SLC9A9: variants seen among roughly 807,000 people sequenced by gnomAD.
SLC9A9 encodes sodium/hydrogen exchanger 9.
In SLC9A9, 62 loss-of-function variants were observed where a neutral mutation model predicts 77.8. That is an observed-to-expected ratio of 0.80 (90% confidence interval 0.65 to 0.98). The LOEUF (loss-of-function observed/expected upper bound fraction) is 0.98. Among genes scored for constraint, SLC9A9 ranks in the 50% least tolerant of loss-of-function variants. The pLI is 0.00. For missense variants in SLC9A9, 775 were observed against 774.9 expected, an observed-to-expected ratio of 1.00 and a Z score of 0.00; for synonymous variants, 320 against 283.5, an observed-to-expected ratio of 1.13 and a Z score of -1.29.
chr3:143,510,380 T>A (rs2036097164), intron 9 of SLC9A9, among the ~76,000 whole-genome samples: 1 of 152,168 alleles, frequency 6.6e-6, no homozygotes, highest in Admixed American at 6.5e-5. Context: ...ATTGGAAAAT[T>A]AATATATAAT....
At chr3:143,470,493 A>AG (rs933179060) in intron 11 of SLC9A9, among the ~76,000 whole-genome samples, 3 of 151,470 alleles carry the variant, frequency 2.0e-5, no homozygotes, top group Non-Finnish European at 2.9e-5. Context: ...AAAAAAAAAA[A>AG]AGAAAAGAAA....
intron 9 of SLC9A9, chr3:143,503,490 C>T (rs867726350): frequency 6.8e-5 from 26 of 380,488 alleles, no homozygotes; most frequent in East Asian, 3.2e-4. Context: ...AAGCCTGCTT[C>T]GCCACCTTCA....
chr3:143,440,864 T>C (rs1027684475), intron 12 of SLC9A9, among the ~76,000 whole-genome samples: 3 of 152,228 alleles, frequency 2.0e-5, no homozygotes, highest in Non-Finnish European at 2.9e-5. Context: ...GGCATTGTTA[T>C]TCTACAGAGC....
At chr3:143,734,008 G>A (rs1934876630) in intron 4 of SLC9A9, among the ~76,000 whole-genome samples, 1 of 152,108 alleles carries the variant, frequency 6.6e-6, no homozygotes, top group East Asian at 1.9e-4. Flanking sequence ...ACCAGCCTGG[G>A]AAACATAGCA....
rs1937679553 is a variant in SLC9A9 at position 143,265,382 on chromosome 3, T to G, written c.*1320A>C. ...AAAGCAAAAAAATAATTGATGCACATAGCAGTGTGCCTGATACCACCACAG... is the reference window on the plus strand; with the variant it reads ...AAAGCAAAAAAATAATTGATGCACAGAGCAGTGTGCCTGATACCACCACAG... On this transcript the variant is annotated 3_prime_UTR_variant, in exon 16 of 16. Coordinates refer to ENST00000316549, the MANE Select transcript of SLC9A9 (RefSeq NM_173653.4). 1 of 153,040 alleles carries G rather than the reference T, an allele frequency of 6.5e-6. No individual in the cohort carries two copies. Among genetic ancestry groups the G allele is most frequent in the African/African-American group, 2.4e-5 (1 of 41,486 alleles). 9.5% of individuals were successfully genotyped at this position (153,040 alleles called of 1,614,324 possible). A position where few individuals can be genotyped will look rare whatever the true frequency, so the allele number is the denominator to read the frequency against.
Position 143,446,890 on chromosome 3 carries a change from G to GTA in SLC9A9, c.1469+20146_1469+20147insTA, listed in dbSNP as rs2034855591. On this transcript the variant is annotated intron_variant, in intron 12 of 15. Coordinates refer to ENST00000316549, the MANE Select transcript of SLC9A9 (RefSeq NM_173653.4). ...GGTAGGTGTGTATGTGTGTGTGTGT[G>GTA]TGTGTGTGCATGCACACATGTGTGC... Among the ~76,000 whole-genome samples, 3 of 152,262 alleles carry GTA rather than the reference G, an allele frequency of 2.0e-5. No individual in the cohort carries two copies. In the South Asian group the frequency reaches 6.2e-4, roughly 32 times the overall value.
chr3:143,640,211 C>T (rs574990964), intron 6 of SLC9A9, among the ~76,000 whole-genome samples: 3 of 152,018 alleles, frequency 2.0e-5, no homozygotes, highest in East Asian at 1.9e-4. Context: ...TTAGTAGAGA[C>T]GCAGTTTCAC....
At chr3:143,750,455 C>T (rs970540390) in intron 4 of SLC9A9, among the ~76,000 whole-genome samples, 4 of 152,180 alleles carry the variant, frequency 2.6e-5, no homozygotes, top group African/African-American at 9.7e-5. Context: ...GAGCTAAAAA[C>T]AGGAACCTAA....
intron 12 of SLC9A9, among the ~76,000 whole-genome samples, chr3:143,394,121 T>C (rs1295594137): frequency 6.6e-6 from 1 of 152,190 alleles, no homozygotes; most frequent in African/African-American, 2.4e-5. Flanking sequence ...ATCATCCTGA[T>C]ACCAAAACCT....
intron 4 of SLC9A9, among the ~76,000 whole-genome samples, chr3:143,794,293 T>G (rs2008308100): frequency 6.6e-6 from 1 of 151,448 alleles, no homozygotes; most frequent in Non-Finnish European, 1.5e-5. Flanking sequence ...TGAAGACATC[T>G]GCATCATCAC....
intron 11 of SLC9A9, among the ~76,000 whole-genome samples, chr3:143,469,633 C>T (rs1374060174): frequency 6.6e-6 from 1 of 152,154 alleles, no homozygotes; most frequent in African/African-American, 2.4e-5. Context: ...CCTTTCTTAC[C>T]TCCATGCTGA....
At chr3:143,463,263 C>T (rs572266866) in intron 12 of SLC9A9, among the ~76,000 whole-genome samples, 3 of 152,064 alleles carry the variant, frequency 2.0e-5, no homozygotes, top group Non-Finnish European at 2.9e-5. Flanking sequence ...CTGGGGAGCC[C>T]GGGGAAGGTT....
intron 14 of SLC9A9, among the ~76,000 whole-genome samples, chr3:143,282,606 C>G (rs1174153510): frequency 6.6e-6 from 1 of 152,170 alleles, no homozygotes; most frequent in African/African-American, 2.4e-5. Context: ...CTCAGAGCAT[C>G]AATTCTGCCC....
At chr3:143,523,799 G>A (rs2036358310) in intron 9 of SLC9A9, among the ~76,000 whole-genome samples, 1 of 152,100 alleles carries the variant, frequency 6.6e-6, no homozygotes, top group African/African-American at 2.4e-5. Flanking sequence ...TGACAACATT[G>A]TGAATATTCT....
At chr3:143,662,101 T>C (rs2038987487) in intron 5 of SLC9A9, among the ~76,000 whole-genome samples, 1 of 152,130 alleles carries the variant, frequency 6.6e-6, no homozygotes, top group Admixed American at 6.5e-5. Context: ...GAGAATATAA[T>C]ATTAAGAGGC....
At chr3:143,726,545 G>A (rs1297716798) in intron 4 of SLC9A9, among the ~76,000 whole-genome samples, 1 of 152,158 alleles carries the variant, frequency 6.6e-6, no homozygotes, top group African/African-American at 2.4e-5. Context: ...TACATCATTA[G>A]AATTGTGTTG....
At position 143,266,164 on chromosome 3, in the gene SLC9A9, A is replaced by G. The variant is rs773315563; in HGVS notation, c.*538T>C. 2 of 701,050 alleles carry G rather than the reference A, an allele frequency of 2.9e-6. No individual in the cohort carries two copies. The highest frequency in any genetic ancestry group is 1.5e-5 in the South Asian group (1 of 66,964). The allele number at this position is 701,050 out of a possible 1,614,324, so 43.4% of individuals were successfully genotyped here. ...CTCTGGGAAACCATCAGCAGTGGGT[A>G]CGGAACACTTCTCTGGGCTCTGCCC... is the stretch of plus-strand genomic sequence containing the variant. On this transcript the variant is annotated 3_prime_UTR_variant, in exon 16 of 16. Transcript: ENST00000316549.
intron 4 of SLC9A9, among the ~76,000 whole-genome samples, chr3:143,710,055 A>G (rs1934097341): frequency 6.6e-6 from 1 of 152,206 alleles, no homozygotes; most frequent in Non-Finnish European, 1.5e-5. Context: ...TCCCAGCAGA[A>G]ATTGCATATT....
At chr3:143,641,385 CTT>C (rs529425639) in intron 6 of SLC9A9, among the ~76,000 whole-genome samples, 58 of 78,806 alleles carry the variant, frequency 7.4e-4, no homozygotes, top group African/African-American at 2.2e-3. Flanking sequence ...TTGTCACAGT[CTT>C]TTTTTTTTTT....
Sources: allele counts gnomAD v4.1 joint callset (sites outside exome capture counted in the v4.1 genomes callset), GRCh38; gene constraint gnomAD v4.1.1; transcripts MANE v1.5; gene names NCBI Gene and HGNC (gene_info 2026-07-23, HGNC 2026-07-21).